Variants in AMZ1 observed in about 807,000 individuals in gnomAD.
AMZ1 encodes archaemetzincin-1.
AMZ1 carries 39 observed loss-of-function variants against 29.9 expected under a neutral mutation model. The ratio of observed to expected loss-of-function variants is 1.30; its 90% CI spans 1.01 to 1.70. AMZ1 has a LOEUF of 1.70. AMZ1 is among the 40% of genes most tolerant of loss of function. The probability of loss-of-function intolerance (pLI) is 0.00; values close to 1 mark genes in which losing one functional copy is unlikely to be tolerated. For synonymous variants in AMZ1, 458 were observed against 304.0 expected (o/e 1.51, Z -5.27); for missense variants, 1,041 against 680.6 (o/e 1.53, Z -5.89).
At chr7:2,693,774 C>G (rs538671247) in intron 1 of AMZ1, among the ~76,000 whole-genome samples, 1 of 152,320 alleles carries the variant, frequency 6.6e-6, no homozygotes, top group South Asian at 2.1e-4. Context: ...CCAGGATTGT[C>G]TTGATCTCCT....
chr7:2,749,564 T>C (rs963873589), intron 4 of AMZ1, among the ~76,000 whole-genome samples: 2 of 151,704 alleles, frequency 1.3e-5, no homozygotes, highest in African/African-American at 4.8e-5. Flanking sequence ...TAATGCTAAA[T>C]GACGAGTTAA....
intron 1 of AMZ1, among the ~76,000 whole-genome samples, chr7:2,689,343 T>C (rs749717189): frequency 6.6e-6 from 1 of 151,870 alleles, no homozygotes; most frequent in African/African-American, 2.4e-5. Flanking sequence ...CTGGCGGCCC[T>C]TGTTGCTTAG....
chr7:2,679,697 G>A lies in AMZ1; in HGVS notation c.-219+26G>A, dbSNP rs116816160. The A allele has an allele frequency of 6.6e-3, 1,009 of 152,562 alleles. 14 individuals are homozygous for A. Among genetic ancestry groups the A allele is most frequent in the African/African-American group, 0.022 (934 of 41,598 alleles). The allele number at this position is 152,562 out of a possible 1,614,324, so 9.5% of individuals were successfully genotyped here. On this transcript the variant is annotated intron_variant, in intron 1 of 6. Coordinates refer to the AMZ1 transcript ENST00000312371. Reference sequence around the variant, plus strand: ...GTACTTGTAAGAGTCACCGAAGTGCGTGCCGGGAGGGTTCTGGGAAGAGGC... The same window carrying A: ...GTACTTGTAAGAGTCACCGAAGTGCATGCCGGGAGGGTTCTGGGAAGAGGC...
At chr7:2,759,116 G>T (rs563585976) in intron 4 of AMZ1, among the ~76,000 whole-genome samples, 1 of 148,578 alleles carries the variant, frequency 6.7e-6, no homozygotes, top group South Asian at 2.1e-4. Flanking sequence ...CTCAGCCCTG[G>T]GCCACAGAGC....
At chr7:2,740,032 C>T (rs777078921) in intron 4 of AMZ1, among the ~76,000 whole-genome samples, 3 of 152,166 alleles carry the variant, frequency 2.0e-5, no homozygotes, top group South Asian at 2.1e-4. Context: ...TCCACGGCGG[C>T]TGCACAAGTT....
intron 4 of AMZ1, among the ~76,000 whole-genome samples, chr7:2,759,207 C>G (rs1305891935): frequency 6.6e-6 from 1 of 151,036 alleles, no homozygotes; most frequent in Non-Finnish European, 1.5e-5. Context: ...AATAAAAACC[C>G]CATGATGGAT....
intron 4 of AMZ1, among the ~76,000 whole-genome samples, chr7:2,741,431 C>T (rs978892798): frequency 1.3e-5 from 2 of 152,168 alleles, no homozygotes; most frequent in Admixed American, 1.3e-4. Flanking sequence ...GCTTCCACCA[C>T]AGAATCTCTA....
At position 2,731,679 on chromosome 7, in the gene AMZ1, G is replaced by A. The variant is rs370690250; in HGVS notation, n.550+21863G>A. On this transcript the variant is annotated intron_variant and non_coding_transcript_variant, in intron 4 of 4. Coordinates refer to the AMZ1 transcript ENST00000489665. This position sits in a 1 kb window ranked among gnomAD's most constrained non-coding sequence, Gnocchi z 6.0. ...TCTTAAAGGGGATCTTCTTAATAAC[G>A]AAGTCATGCTCCACAATTCCCTTGG... is the stretch of plus-strand genomic sequence containing the variant. 9 of 1,608,070 alleles carry A rather than the reference G, an allele frequency of 5.6e-6. No homozygotes were observed. In the African/African-American group the frequency reaches 6.7e-5, roughly 12 times the overall value.
chr7:2,702,375 G>A (rs1306362844), intron 2 of AMZ1: 3 of 252,156 alleles, frequency 1.2e-5, no homozygotes, highest in Non-Finnish European at 2.3e-5. Flanking sequence ...TTGCAGCGAG[G>A]TGGCTCGGCT....
chr7:2,712,021 T>C (rs1035110510), intron 6 of AMZ1, among the ~76,000 whole-genome samples: 4 of 151,700 alleles, frequency 2.6e-5, no homozygotes, highest in African/African-American at 9.7e-5. Context: ...CACTCCAGCC[T>C]GGCCAACAGA....
rs978814360 is a variant in AMZ1, at chr7:2,717,201, T to C, written c.*4323T>C. ...GGTGCCAACGAAAACACCCCCGTGA[T>C]TGCTGGGGCTTCACTGATTTGTTTT... On this transcript the variant is annotated 3_prime_UTR_variant, in exon 7 of 7. Coordinates refer to ENST00000683327, the MANE Select transcript of AMZ1 (RefSeq NM_001384743.1). Among the ~76,000 whole-genome samples the C allele has an allele frequency of 3.3e-5, 5 of 152,222 alleles. No homozygotes were observed. Among genetic ancestry groups the C allele is most frequent in the African/African-American group, 9.6e-5 (4 of 41,456 alleles).
Position 2,705,097 on chromosome 7 carries a change from C to A in AMZ1, c.472+2208C>A, listed in dbSNP as rs537262164. The stretch of plus-strand genomic sequence containing the variant: ...TTGTTATTTTTGATTGTTAGTTACG[C>A]ATCTTATTGGAAAAATTAGTTTAAC... On this transcript the variant is annotated intron_variant, in intron 3 of 6. Coordinates refer to ENST00000683327, the MANE Select transcript of AMZ1 (RefSeq NM_001384743.1). 1.0e-3 allele frequency among the ~76,000 whole-genome samples: 153 copies of A among 152,352 alleles called. 1 individual carries two copies. Among genetic ancestry groups the A allele is most frequent in the African/African-American group, 3.4e-3 (141 of 41,582 alleles).
intron 4 of AMZ1, among the ~76,000 whole-genome samples, chr7:2,747,221 A>G (rs921515444): frequency 8.5e-5 from 13 of 152,364 alleles, no homozygotes; most frequent in African/African-American, 3.1e-4. Context: ...CAACCAAAAA[A>G]GAGAATTTTA....
Position 2,709,188 on chromosome 7 carries a change from C to G in AMZ1, c.715C>G (p.Gln239Glu). The G allele has an allele frequency of 1.3e-6, 2 of 1,537,598 alleles. No individual in the cohort carries two copies. The highest frequency in any genetic ancestry group is 1.7e-6 in the Non-Finnish European group (2 of 1,144,190). ...AAADGPEAPLQDRGWALCFSA... is the reference protein window; with the variant it reads ...AAADGPEAPLEDRGWALCFSA... ...AGCAGACGGCCCCGAGGCCCCCCTG[C>G]AGGACAGGGGCTGGGCCCTGTGCTT... Residue 239 changes from glutamine (Q) to glutamate (E), a missense_variant, in exon 5 of 7, where the codon CAG (glutamine) becomes GAG (glutamate). Transcript: ENST00000683327.
intron 1 of AMZ1, among the ~76,000 whole-genome samples, chr7:2,695,265 C>G (rs773654563): frequency 6.6e-6 from 1 of 152,196 alleles, no homozygotes; most frequent in Non-Finnish European, 1.5e-5. Flanking sequence ...CCTGCCAGGA[C>G]TGCCCTGTGC....
Position 2,712,644 on chromosome 7 carries a change from A to C in AMZ1, c.1263A>C (p.Glu421Asp), listed in dbSNP as rs148314719. 7.9e-5 allele frequency: 127 copies of C among 1,613,018 alleles called. No homozygotes were observed. The African/African-American group carries it at 1.4e-3, about 17-fold the overall frequency. The change falls in exon 7 of 7, where the codon GAA becomes GAC. Residue 421 changes from glutamate (E) to aspartate (D), a missense_variant. Transcript: ENST00000683327. ...TGTGCATCCAGGCCCTGCAGCGGGA[A>C]GTGGCAGAGGAGGACCTGGTGCAGG... ...LAMCIQALQREVAEEDLVQVD... is the reference protein window; with the variant it reads ...LAMCIQALQRDVAEEDLVQVD...
At position 2,698,723 on chromosome 7, in the gene AMZ1, C is replaced by G. The variant is rs540008198; in HGVS notation, c.-218-1511C>G. On this transcript the variant is annotated intron_variant, in intron 1 of 6. Coordinates refer to ENST00000683327, the MANE Select transcript of AMZ1 (RefSeq NM_001384743.1). ...CATTGTACACACTTTGTATTCCCAG[C>G]TACTTGGGAGGCTGAAGCAGGAGGA... Among the ~76,000 whole-genome samples, 16 of 152,178 alleles carry G rather than the reference C, an allele frequency of 1.1e-4. No homozygotes were observed. The South Asian group carries it at 3.1e-3, about 30-fold the overall frequency.
intron 1 of AMZ1, among the ~76,000 whole-genome samples, chr7:2,682,389 C>T (rs1020766997): frequency 6.6e-5 from 10 of 152,286 alleles, no homozygotes; most frequent in African/African-American, 2.2e-4. Context: ...AGAATGGCTG[C>T]CCAGGAGGCC....
At chr7:2,733,298 G>C (rs544778441) in intron 4 of AMZ1, among the ~76,000 whole-genome samples, 4 of 152,296 alleles carry the variant, frequency 2.6e-5, no homozygotes, top group South Asian at 4.2e-4. Flanking sequence ...ATCCAAGTGA[G>C]AGCGTGCCAT....
Sources: gnomAD v4.1 joint callset for allele counts (sites outside exome capture counted in the v4.1 genomes callset) on GRCh38, gnomAD v4.1.1 for gene constraint, Gnocchi (gnomAD v3.1) non-coding constraint, MANE v1.5 for transcripts, NCBI Gene and HGNC (gene_info 2026-07-23, HGNC 2026-07-21) for gene names.